The following PHF20 variants were observed in gnomAD, a reference collection of about 807,000 sequenced individuals.
The protein encoded by PHF20 is glioma-expressed antigen 2.
Under a neutral mutation model 113.5 loss-of-function variants are expected in PHF20, and 23 were observed. The observed-to-expected ratio is 0.20, with a 90% CI of 0.15 to 0.29. The LOEUF is 0.29. Among genes scored for constraint, PHF20 ranks in the 10% least tolerant of loss-of-function variants. The probability of loss-of-function intolerance (pLI) is 1.00; values close to 1 mark genes in which losing one functional copy is unlikely to be tolerated. For synonymous variants in PHF20, 434 were observed against 457.3 expected (o/e 0.95, Z 0.65); for missense variants, 943 against 1,219.6 (o/e 0.77, Z 3.38).
At chr20:35,850,418 C>T (rs975866777) in intron 4 of PHF20, among the ~76,000 whole-genome samples, 1 of 146,738 alleles carries the variant, frequency 6.8e-6, no homozygotes, top group Admixed American at 7.0e-5. Flanking sequence ...AAGCAATTCT[C>T]CTGCCTCAGC....
intron 9 of PHF20, among the ~76,000 whole-genome samples, chr20:35,894,904 A>G (rs1311544455): frequency 1.3e-5 from 2 of 152,196 alleles, no homozygotes; most frequent in Non-Finnish European, 2.9e-5. Context: ...CACCCAGGCT[A>G]GAGTGCAATG....
At chr20:35,791,979 A>T (rs1251088723) in intron 1 of PHF20, among the ~76,000 whole-genome samples, 1 of 152,170 alleles carries the variant, frequency 6.6e-6, no homozygotes, top group African/African-American at 2.4e-5. Context: ...GATACATTTT[A>T]GGGCCAACCC....
intron 1 of PHF20, among the ~76,000 whole-genome samples, chr20:35,779,111 C>G (rs1167123569): frequency 6.6e-6 from 1 of 151,846 alleles, no homozygotes; most frequent in African/African-American, 2.4e-5. Flanking sequence ...TCTCGGCTCA[C>G]TGCAACCTCT....
intron 4 of PHF20, among the ~76,000 whole-genome samples, chr20:35,848,945 C>T (rs139147237): frequency 3.2e-4 from 48 of 151,850 alleles, no homozygotes; most frequent in African/African-American, 9.9e-4. Context: ...ATGATAGTTC[C>T]TAAAATGGTC....
chr20:35,839,281 C>T (rs2042498866), intron 2 of PHF20, among the ~76,000 whole-genome samples: 2 of 150,304 alleles, frequency 1.3e-5, no homozygotes, highest in Non-Finnish European at 3.0e-5. Flanking sequence ...GTCCCAGCTA[C>T]TTGGGAGGCT....
chr20:35,903,077 C>CCTTTTTT (rs1555799692), intron 10 of PHF20, among the ~76,000 whole-genome samples: 1 of 60,002 alleles, frequency 1.7e-5, no homozygotes, highest in Non-Finnish European at 3.3e-5. Context: ...CCTATCCTTT[C>CCTTTTTT]TTTTTTTTTT....
intron 5 of PHF20, 85 bp from the exon 6 acceptor site, chr20:35,862,928 T>C: frequency 7.4e-7 from 1 of 1,347,176 alleles, no homozygotes; most frequent in Non-Finnish European, 1.0e-6. Flanking sequence ...ATTTCTTTGT[T>C]TGTCTTCATA....
chr20:35,779,278 G>A (rs1214202143), intron 1 of PHF20, among the ~76,000 whole-genome samples: 1 of 151,732 alleles, frequency 6.6e-6, no homozygotes, highest in East Asian at 1.9e-4. Flanking sequence ...CTCATGATCC[G>A]CCTGCCAGGG....
intron 9 of PHF20, among the ~76,000 whole-genome samples, chr20:35,889,710 C>CTTAATTAA (rs35732483): frequency 6.6e-6 from 1 of 150,766 alleles, no homozygotes; most frequent in Non-Finnish European, 1.5e-5. Context: ...TATTCTGTTT[C>CTTAATTAA]TTAATTAATT....
Position 35,843,543 on chromosome 20 carries a change from A to AT in PHF20, c.255+799_255+800insT, listed in dbSNP as rs1215606134. ...TCTCAAAAAAAAAAAAAAAAAAAAA[A>AT]GTGATCATTCCATGTAGAACGTTGT... On this transcript the variant is annotated intron_variant, in intron 3 of 17. Transcript: ENST00000374012. Among the ~76,000 whole-genome samples the AT allele has an allele frequency of 4.8e-4, 71 of 148,748 alleles. No individual in the cohort carries two copies. The East Asian group carries it at 0.013, about 27-fold the overall frequency.
chr20:35,885,720 A>AT (rs2054718047), intron 9 of PHF20, among the ~76,000 whole-genome samples: 1 of 152,080 alleles, frequency 6.6e-6, no homozygotes, highest in African/African-American at 2.4e-5. Flanking sequence ...TACTGGTGAC[A>AT]TTAACTTTTA....
intron 15 of PHF20, 112 bp from the exon 16 acceptor site, chr20:35,938,585 C>A: frequency 1.9e-6 from 2 of 1,029,416 alleles, no homozygotes; most frequent in Non-Finnish European, 2.9e-6. Context: ...AGTGTGTGGT[C>A]AGATGGCCCA....
intron 2 of PHF20, among the ~76,000 whole-genome samples, chr20:35,811,448 T>C (rs1254639568): frequency 2.0e-5 from 3 of 151,366 alleles, no homozygotes; most frequent in Non-Finnish European, 3.0e-5. Flanking sequence ...GTCCCAGCTT[T>C]TTTTTTTTTT....
intron 2 of PHF20, among the ~76,000 whole-genome samples, chr20:35,828,904 C>T (rs946064361): frequency 2.0e-5 from 3 of 152,208 alleles, no homozygotes; most frequent in African/African-American, 7.2e-5. Context: ...AACACATTTT[C>T]TCAAAATTTA....
intron 2 of PHF20, among the ~76,000 whole-genome samples, chr20:35,805,987 C>T (rs1160173556): frequency 6.6e-6 from 1 of 151,854 alleles, no homozygotes; most frequent in Non-Finnish European, 1.5e-5. Flanking sequence ...GCCTCAGCCT[C>T]CTGAGTAACT....
Position 35,927,827 on chromosome 20 carries a change from G to A in PHF20, c.2052G>A (p.Leu684=). ...CWQHGVCMGL[L]EENVPEKYTC... ...AGCATGGGGTCTGCATGGGATTACT[G>A]GAAGAAAATGTGCCCGAGAAATACA... The change falls in exon 14 of 18, where the codon CTG becomes CTA. Residue 684 remains leucine (L), a synonymous_variant. Coordinates refer to ENST00000374012, the MANE Select transcript of PHF20 (RefSeq NM_016436.5). 3.1e-6 allele frequency: 5 copies of A among 1,614,048 alleles called. No homozygotes were observed. The highest frequency in any genetic ancestry group is 4.2e-6 in the Non-Finnish European group (5 of 1,179,908).
At chr20:35,853,612 G>A (rs997107351) in intron 4 of PHF20, among the ~76,000 whole-genome samples, 17 of 152,060 alleles carry the variant, frequency 1.1e-4, no homozygotes, top group Admixed American at 8.5e-4. Flanking sequence ...TAAAAAATTG[G>A]CTGGACATGT....
intron 4 of PHF20, 47 bp downstream of exon 4, chr20:35,847,481 G>A (rs375725869): frequency 2.4e-5 from 27 of 1,138,576 alleles, no homozygotes; most frequent in Non-Finnish European, 3.6e-5. Context: ...CTTAGGTGGT[G>A]GGGGGGGATG....
At chr20:35,779,668 C>T (rs1266720220) in intron 1 of PHF20, among the ~76,000 whole-genome samples, 1 of 151,820 alleles carries the variant, frequency 6.6e-6, no homozygotes, top group Non-Finnish European at 1.5e-5. Context: ...TACAGGTGCC[C>T]GCCACCATGC....
Sources: allele counts gnomAD v4.1 joint callset (sites outside exome capture counted in the v4.1 genomes callset), GRCh38; gene constraint gnomAD v4.1.1; transcripts MANE v1.5; gene names NCBI Gene and HGNC (gene_info 2026-07-23, HGNC 2026-07-21).